The following SLC9B1 variants were observed in gnomAD, a reference collection of about 807,000 sequenced individuals.
The protein encoded by SLC9B1 is sodium/hydrogen exchanger 9B1.
In SLC9B1, 32 loss-of-function variants were observed where a neutral mutation model predicts 51.7. The observed-to-expected ratio is 0.62, with a 90% CI of 0.47 to 0.83. SLC9B1 has a LOEUF of 0.83. Among genes scored for constraint, SLC9B1 ranks in the 40% least tolerant of loss-of-function variants. SLC9B1 has a pLI of 0.00. For missense variants in SLC9B1, 406 were observed against 613.2 expected (o/e 0.66, Z 3.57); for synonymous variants, 145 against 212.7 (o/e 0.68, Z 2.77).
chr4:103,010,569 C>T (rs947020720), intron 1 of SLC9B1, among the ~76,000 whole-genome samples: 1 of 152,170 alleles, frequency 6.6e-6, no homozygotes, highest in African/African-American at 2.4e-5. Flanking sequence ...TATTTTGTCA[C>T]AGTTCTGGAG....
At chr4:102,943,969 G>C (rs1009916933) in intron 6 of SLC9B1, among the ~76,000 whole-genome samples, 3 of 152,134 alleles carry the variant, frequency 2.0e-5, no homozygotes, top group South Asian at 2.1e-4. Context: ...CACATAGGAG[G>C]GGGTATATCT....
intron 6 of SLC9B1, among the ~76,000 whole-genome samples, chr4:102,938,915 T>C (rs1393746609): frequency 1.3e-5 from 2 of 151,906 alleles, no homozygotes; most frequent in African/African-American, 4.8e-5. Flanking sequence ...AATGCCCATA[T>C]TGAAAAGTTA....
chr4:102,906,028 C>T (rs768817904), intron 10 of SLC9B1, among the ~76,000 whole-genome samples: 9 of 152,024 alleles, frequency 5.9e-5, no homozygotes, highest in Non-Finnish European at 1.3e-4. Context: ...TTCCGACTCC[C>T]GGGTTCACGC....
At chr4:102,934,108 A>G (rs1203083852) in intron 6 of SLC9B1, among the ~76,000 whole-genome samples, 1 of 152,204 alleles carries the variant, frequency 6.6e-6, no homozygotes, top group African/African-American at 2.4e-5. Context: ...CTCTCCCCCA[A>G]ATAAATTAAT....
intron 6 of SLC9B1, among the ~76,000 whole-genome samples, chr4:102,934,507 A>G (rs1736617778): frequency 6.6e-6 from 1 of 152,174 alleles, no homozygotes; most frequent in Non-Finnish European, 1.5e-5. Context: ...AGTAATAAGA[A>G]AATGTAGGGG....
chr4:102,957,329 C>CA (rs1209100616), intron 3 of SLC9B1, among the ~76,000 whole-genome samples: 1 of 152,190 alleles, frequency 6.6e-6, no homozygotes, highest in East Asian at 1.9e-4. Context: ...AGAAGTTCAA[C>CA]AAATCTCAAG....
At chr4:102,944,093 G>A (rs551548800) in intron 6 of SLC9B1, among the ~76,000 whole-genome samples, 1 of 152,222 alleles carries the variant, frequency 6.6e-6, no homozygotes, top group African/African-American at 2.4e-5. Flanking sequence ...CGTGGATGGA[G>A]TTGAGGCCAT....
intron 6 of SLC9B1, among the ~76,000 whole-genome samples, chr4:102,940,958 G>A (rs1246227443): frequency 2.6e-5 from 4 of 151,988 alleles, no homozygotes; most frequent in African/African-American, 4.8e-5. Context: ...ACGTTTCACC[G>A]TTTACAAAAA....
chr4:103,011,341 C>G (rs979196263), intron 1 of SLC9B1, among the ~76,000 whole-genome samples: 2 of 152,192 alleles, frequency 1.3e-5, no homozygotes, highest in African/African-American at 4.8e-5. Flanking sequence ...CTCCTGGGAG[C>G]CTTGCCTGCA....
chr4:102,979,633 G>A (rs372936996), intron 3 of SLC9B1, among the ~76,000 whole-genome samples: 3 of 152,190 alleles, frequency 2.0e-5, no homozygotes, highest in African/African-American at 7.2e-5. Context: ...TCCACTAATG[G>A]AACTATGTTC....
chr4:102,991,395 G>A (rs779498468), intron 2 of SLC9B1, among the ~76,000 whole-genome samples: 8 of 151,930 alleles, frequency 5.3e-5, no homozygotes, highest in African/African-American at 2.4e-5. Flanking sequence ...AATAATAAGC[G>A]ACATTTCTTC....
intron 7 of SLC9B1, among the ~76,000 whole-genome samples, chr4:102,928,628 T>A (rs1296853141): frequency 6.6e-6 from 1 of 152,206 alleles, no homozygotes; most frequent in African/African-American, 2.4e-5. Context: ...TTAGTCATGG[T>A]TCTCTAGAGG....
At chr4:102,980,161 T>C (rs989048309) in intron 3 of SLC9B1, among the ~76,000 whole-genome samples, 1 of 152,200 alleles carries the variant, frequency 6.6e-6, no homozygotes, top group Non-Finnish European at 1.5e-5. Flanking sequence ...TTTACATTAG[T>C]TCAACCATTG....
intron 1 of SLC9B1, among the ~76,000 whole-genome samples, chr4:103,008,279 T>C (rs1047574862): frequency 1.3e-5 from 2 of 152,228 alleles, no homozygotes; most frequent in South Asian, 2.1e-4. Flanking sequence ...GCTTTCAAAA[T>C]AGTGAAAAAT....
At chr4:102,912,490 AATAAAAAAACAAAAT>A (rs1735386037) in intron 7 of SLC9B1, among the ~76,000 whole-genome samples, 1 of 152,206 alleles carries the variant, frequency 6.6e-6, no homozygotes, top group South Asian at 2.1e-4. Context: ...AAAAACAAAA[AATAAAAAAACAAAAT>A]GAGTCACAAA....
chr4:102,942,641 T>C, intron 6 of SLC9B1, among the ~76,000 whole-genome samples: 1 of 152,362 alleles, frequency 6.6e-6, no homozygotes, highest in African/African-American at 2.4e-5. Context: ...AGAATGAAAC[T>C]GGATCCTCAT....
intron 1 of SLC9B1, among the ~76,000 whole-genome samples, chr4:102,997,413 G>A (rs1428157009): frequency 1.3e-5 from 2 of 151,836 alleles, no homozygotes; most frequent in Non-Finnish European, 2.9e-5. Context: ...TTATTTTTAG[G>A]TATTTTATGT....
chr4:102,901,647 G>A (rs963266944), intron 11 of SLC9B1, among the ~76,000 whole-genome samples: 2 of 152,126 alleles, frequency 1.3e-5, no homozygotes, highest in African/African-American at 4.8e-5. Context: ...GAGTTCTAAC[G>A]AAACCAGTTT....
chr4:102,948,325 T>TATACAC (rs1553982877), intron 4 of SLC9B1, among the ~76,000 whole-genome samples: 1 of 127,468 alleles, frequency 7.8e-6, no homozygotes, highest in Non-Finnish European at 1.6e-5. Flanking sequence ...GGCAAAGCCA[T>TATACAC]ACACACACAC....
Sources: allele counts gnomAD v4.1 joint callset (sites outside exome capture counted in the v4.1 genomes callset), GRCh38; gene constraint gnomAD v4.1.1; transcripts MANE v1.5; gene names NCBI Gene and HGNC (gene_info 2026-07-23, HGNC 2026-07-21).